The following ST6GAL1 variants were observed in gnomAD, a reference collection of about 807,000 sequenced individuals.
The protein encoded by ST6GAL1 is ST6 beta-galactoside alpha-2,6-sialyltransferase 1.
ST6GAL1 carries 20 observed loss-of-function variants against 38.0 expected under a neutral mutation model. The ratio of observed to expected loss-of-function variants is 0.53; its 90% CI spans 0.37 to 0.77. ST6GAL1 has a LOEUF of 0.77. ST6GAL1 is among the 30% of genes least tolerant of loss of function. The pLI, the probability that ST6GAL1 is intolerant of heterozygous loss-of-function variation, is 0.00. For missense variants in ST6GAL1, 432 were observed against 496.4 expected, an observed-to-expected ratio of 0.87 and a Z score of 1.23; for synonymous variants, 196 against 188.2, an observed-to-expected ratio of 1.04 and a Z score of -0.34.
At chr3:186,974,043 G>A (rs1029257362) in intron 2 of ST6GAL1, among the ~76,000 whole-genome samples, 75 of 152,216 alleles carry the variant, frequency 4.9e-4, no homozygotes, top group African/African-American at 1.7e-3. Flanking sequence ...GTGGTGTTGC[G>A]TGAATGAACC....
rs142364608 is a variant in ST6GAL1 at position 187,067,818 on chromosome 3, C to A, written c.706-5031C>A. 2.0e-3 allele frequency among the ~76,000 whole-genome samples: 305 copies of A among 152,284 alleles called. 3 individuals carry two copies. The highest frequency in any genetic ancestry group is 7.2e-3 in the African/African-American group (299 of 41,566). ...AACTGTGCCACAAACTCATCGTAGC[C>A]TTAGACAATTCTCTTGTCTCTCTGG... On this transcript the variant is annotated intron_variant, in intron 5 of 7. Transcript: ENST00000169298.
At position 186,991,145 on chromosome 3, in the gene ST6GAL1, C is replaced by T. The variant is rs370758691; in HGVS notation, c.-183+27219C>T. Among the ~76,000 whole-genome samples the T allele has an allele frequency of 2.0e-4, 31 of 152,250 alleles. No homozygotes were observed. In the South Asian group the frequency reaches 5.8e-3, roughly 29 times the overall value. ...ACCTGGCTAGTTGCCTTCTTTTGGA[C>T]TTGCTGTGATTTGACTTTTCAGCCA... On this transcript the variant is annotated intron_variant, in intron 2 of 7. Coordinates refer to ENST00000169298, the MANE Select transcript of ST6GAL1 (RefSeq NM_173216.2).
intron 2 of ST6GAL1, among the ~76,000 whole-genome samples, chr3:186,987,606 A>G (rs1224789606): frequency 1.3e-5 from 2 of 152,214 alleles, no homozygotes; most frequent in Non-Finnish European, 2.9e-5. Context: ...ACCTGAGGAA[A>G]CCTGAAAATG....
intron 2 of ST6GAL1, among the ~76,000 whole-genome samples, chr3:187,030,102 A>C (rs1193287686): frequency 6.6e-6 from 1 of 152,236 alleles, no homozygotes; most frequent in Non-Finnish European, 1.5e-5. Flanking sequence ...GAGGACTAGA[A>C]TATCCTAAAA....
intron 2 of ST6GAL1, among the ~76,000 whole-genome samples, chr3:187,005,564 G>C (rs1716761542): frequency 6.6e-6 from 1 of 151,972 alleles, no homozygotes; most frequent in Non-Finnish European, 1.5e-5. Flanking sequence ...CATGAGCCAC[G>C]GCGCCCGGCA....
intron 1 of ST6GAL1, among the ~76,000 whole-genome samples, chr3:186,948,450 C>T (rs1292451729): frequency 6.6e-6 from 1 of 151,920 alleles, no homozygotes; most frequent in South Asian, 2.1e-4. Context: ...AGGCACCTGA[C>T]GTTTGCTCCG....
At chr3:186,980,256 A>G (rs960996339) in intron 2 of ST6GAL1, among the ~76,000 whole-genome samples, 1 of 152,166 alleles carries the variant, frequency 6.6e-6, no homozygotes, top group Non-Finnish European at 1.5e-5. Flanking sequence ...CCTGGGGAGC[A>G]GTGGATGCAG....
At chr3:187,036,548 CTG>C (rs1399707466) in intron 2 of ST6GAL1, among the ~76,000 whole-genome samples, 3 of 152,186 alleles carry the variant, frequency 2.0e-5, no homozygotes, top group African/African-American at 7.2e-5. Context: ...TACATATACA[CTG>C]TGGAATAGTA....
intron 2 of ST6GAL1, among the ~76,000 whole-genome samples, chr3:187,004,450 C>G (rs2108554667): frequency 6.6e-6 from 1 of 152,270 alleles, no homozygotes; most frequent in Non-Finnish European, 1.5e-5. Flanking sequence ...AGAAAGATGG[C>G]CTTTTATAAG....
chr3:186,971,125 G>C (rs183712427), intron 2 of ST6GAL1, among the ~76,000 whole-genome samples: 1 of 152,220 alleles, frequency 6.6e-6, no homozygotes, highest in African/African-American at 2.4e-5. Context: ...TTTCACTCTT[G>C]TCACCCAGCC....
At chr3:187,031,267 T>C (rs1038383188) in intron 2 of ST6GAL1, among the ~76,000 whole-genome samples, 3 of 152,178 alleles carry the variant, frequency 2.0e-5, no homozygotes, top group Non-Finnish European at 4.4e-5. Flanking sequence ...GAACTTCTTG[T>C]GCAGAGCTGC....
At chr3:186,990,704 C>CAGG (rs1716136619) in intron 2 of ST6GAL1, among the ~76,000 whole-genome samples, 1 of 146,568 alleles carries the variant, frequency 6.8e-6, no homozygotes. Flanking sequence ...GAAAATAAAG[C>CAGG]AGGAGGTAGA....
Position 187,074,197 on chromosome 3 carries a change from C to A in ST6GAL1, c.843C>A (p.Tyr281Ter), listed in dbSNP as rs1186598845. 3.7e-6 allele frequency: 6 copies of A among 1,612,094 alleles called. No homozygotes were observed. Among genetic ancestry groups the A allele is most frequent in the Non-Finnish European group, 5.1e-6 (6 of 1,179,208 alleles). ...CGGATTATAATTTCTTTAACAACTA[C>A]AAGACTTATCGTAAGCTGCACCCCA... ...QNPDYNFFNN[Y>*]KTYRKLHPNQ... The change falls in exon 7 of 8, where the codon TAC becomes TAA. Residue 281 changes from tyrosine (Y) to a stop codon, truncating the protein, a stop_gained. Transcript: ENST00000169298. LOFTEE classifies it high-confidence loss of function.
intron 2 of ST6GAL1, chr3:187,025,344 C>T (rs974600176): frequency 6.6e-6 from 1 of 152,198 alleles, no homozygotes; most frequent in African/African-American, 2.4e-5. Context: ...CCGTTTTCTT[C>T]TTTGTCTGGC....
chr3:186,969,012 C>A (rs1485083419), intron 2 of ST6GAL1, among the ~76,000 whole-genome samples: 1 of 149,892 alleles, frequency 6.7e-6, no homozygotes, highest in East Asian at 2.0e-4. Context: ...TTGGTATGAT[C>A]TATCTTTTTC....
At chr3:187,066,729 G>A (rs1719155603) in intron 5 of ST6GAL1, among the ~76,000 whole-genome samples, 1 of 152,016 alleles carries the variant, frequency 6.6e-6, no homozygotes, top group South Asian at 2.1e-4. Flanking sequence ...AGCACTCCAT[G>A]CCCTGGTGTA....
At chr3:187,020,960 GGTTTTTTTTTTT>G (rs1399860240) in intron 2 of ST6GAL1, among the ~76,000 whole-genome samples, 1 of 129,554 alleles carries the variant, frequency 7.7e-6, no homozygotes, top group Non-Finnish European at 1.7e-5. Context: ...ATGTATTGGT[GGTTTTTTTTTTT>G]GTTTTTTTTT....
intron 3 of ST6GAL1, among the ~76,000 whole-genome samples, chr3:187,039,294 C>T (rs1009965942): frequency 6.6e-6 from 1 of 152,158 alleles, no homozygotes; most frequent in African/African-American, 2.4e-5. Context: ...CTAGAAGCCT[C>T]GTGATGATTG....
At chr3:186,990,926 C>G (rs182518299) in intron 2 of ST6GAL1, among the ~76,000 whole-genome samples, 52 of 152,282 alleles carry the variant, frequency 3.4e-4, no homozygotes, top group African/African-American at 1.2e-3. Flanking sequence ...TTGTCCGCCT[C>G]CCCACCTCCT....
Sources: gnomAD v4.1 joint callset for allele counts (sites outside exome capture counted in the v4.1 genomes callset) on GRCh38, gnomAD v4.1.1 for gene constraint, MANE v1.5 for transcripts, NCBI Gene and HGNC (gene_info 2026-07-23, HGNC 2026-07-21) for gene names.